The following FRMPD4 variants were observed in gnomAD, a reference collection of about 807,000 sequenced individuals.
FRMPD4 encodes FERM and PDZ domain-containing protein 4.
A neutral mutation model predicts 94.1 loss-of-function variants in FRMPD4; 22 were observed. That is an observed-to-expected ratio of 0.23 (90% CI 0.17 to 0.33). The LOEUF (loss-of-function observed/expected upper bound fraction) is 0.33, where lower values mean the gene tolerates loss of function less well. Among genes scored for constraint, FRMPD4 ranks in the 10% least tolerant of loss-of-function variants. The probability of loss-of-function intolerance (pLI) is 1.00; values close to 1 mark genes in which losing one functional copy is unlikely to be tolerated. For missense variants in FRMPD4, 1,111 were observed against 1,339.9 expected (o/e 0.83, Z 2.67); for synonymous variants, 631 against 548.6 (o/e 1.15, Z -2.10).
At chrX:12,362,775 C>T (rs1003259671) in intron 1 of FRMPD4, among the ~76,000 whole-genome samples, 6 of 111,851 alleles carry the variant, frequency 5.4e-5, no homozygotes, top group Admixed American at 4.7e-4. Context: ...CTTGACGAAT[C>T]GCCACACTGT....
At chrX:12,165,193 T>C (rs1317121407) in intron 1 of FRMPD4, among the ~76,000 whole-genome samples, 1 of 112,460 alleles carries the variant, frequency 8.9e-6, no homozygotes, top group African/African-American at 3.2e-5. Flanking sequence ...GTCTAACATG[T>C]AAGTCTTTAA....
At chrX:12,446,962 TGCATA>T (rs1183545761) in intron 1 of FRMPD4, among the ~76,000 whole-genome samples, 5 of 111,356 alleles carry the variant, frequency 4.5e-5, no homozygotes, top group African/African-American at 1.6e-4. Flanking sequence ...TGGGCAATCT[TGCATA>T]GCAAAGTTTG....
At chrX:12,200,907 G>A (rs1191432345) in intron 1 of FRMPD4, among the ~76,000 whole-genome samples, 2 of 112,455 alleles carry the variant, frequency 1.8e-5, no homozygotes, top group Non-Finnish European at 3.8e-5. Context: ...TGCAAAAACA[G>A]CTTCTTCCAC....
chrX:11,915,091 T>C (rs766502011), intron 3 of FRMPD4, among the ~76,000 whole-genome samples: 3 of 112,543 alleles, frequency 2.7e-5, no homozygotes, highest in Middle Eastern at 4.2e-3. Context: ...GAGTTGACTT[T>C]TATTTCTTAT....
intron 2 of FRMPD4, among the ~76,000 whole-genome samples, chrX:12,536,688 A>T (rs951467151): frequency 3.6e-5 from 4 of 112,058 alleles, no homozygotes; most frequent in African/African-American, 1.3e-4. Flanking sequence ...ATTGTTTAGT[A>T]GGAGAGAATT....
chrX:12,246,590 A>G (rs1017010300), intron 1 of FRMPD4, among the ~76,000 whole-genome samples: 1 of 111,797 alleles, frequency 8.9e-6, no homozygotes, highest in Non-Finnish European at 1.9e-5. Context: ...ACATTATCTG[A>G]TAATGCTGTT....
chrX:11,826,505 A>T (rs186048465), intron 1 of FRMPD4, among the ~76,000 whole-genome samples: 2 of 112,119 alleles, frequency 1.8e-5, no homozygotes, highest in East Asian at 5.6e-4. Flanking sequence ...AACAGGAAGG[A>T]TAAACAAAAT....
chrX:12,374,807 T>C (rs1177737815), intron 1 of FRMPD4: 1 of 111,636 alleles, frequency 9.0e-6, no homozygotes. Context: ...CAACATCACC[T>C]GTGCCTCCAA....
intron 3 of FRMPD4, among the ~76,000 whole-genome samples, chrX:11,928,851 G>A (rs1378201386): frequency 8.9e-6 from 1 of 112,447 alleles, no homozygotes; most frequent in Non-Finnish European, 1.9e-5. Flanking sequence ...CAAAGATATG[G>A]AATAAACCTA....
At chrX:12,651,129 C>A (rs894696860) in intron 4 of FRMPD4, among the ~76,000 whole-genome samples, 1 of 112,282 alleles carries the variant, frequency 8.9e-6, no homozygotes, top group Non-Finnish European at 1.9e-5. Context: ...TAGCAAAATG[C>A]TTATAAAATC....
At chrX:12,324,007 CA>C (rs1431254673) in intron 1 of FRMPD4, among the ~76,000 whole-genome samples, 1 of 111,595 alleles carries the variant, frequency 9.0e-6, no homozygotes, top group Non-Finnish European at 1.9e-5. Context: ...GTTGTGTCAA[CA>C]AATATAAGGA....
At chrX:12,385,681 A>G (rs1222932609) in intron 1 of FRMPD4, among the ~76,000 whole-genome samples, 3 of 112,533 alleles carry the variant, frequency 2.7e-5, no homozygotes, top group African/African-American at 6.5e-5. Flanking sequence ...GTTTAAAACA[A>G]GAGGCTTTGG....
chrX:11,899,050 G>T, intron 3 of FRMPD4, among the ~76,000 whole-genome samples: 1 of 112,461 alleles, frequency 8.9e-6, no homozygotes, highest in East Asian at 2.8e-4. Context: ...CTACGAAATG[G>T]CTTTTCCATC....
intron 1 of FRMPD4, among the ~76,000 whole-genome samples, chrX:12,439,589 CTG>C (rs2057111854): frequency 9.0e-6 from 1 of 111,638 alleles, no homozygotes; most frequent in African/African-American, 3.3e-5. Flanking sequence ...GTAACCGAAA[CTG>C]TTTTATTATT....
chrX:12,354,049 T>G (rs1226169984), intron 1 of FRMPD4, among the ~76,000 whole-genome samples: 2 of 112,117 alleles, frequency 1.8e-5, no homozygotes, highest in South Asian at 7.4e-4. Context: ...GCACTTTGCT[T>G]TTGCTAATAA....
At chrX:11,892,374 G>A (rs2053880055) in intron 3 of FRMPD4, among the ~76,000 whole-genome samples, 2 of 112,119 alleles carry the variant, frequency 1.8e-5, no homozygotes, top group Admixed American at 1.9e-4. Flanking sequence ...CGTAAAGATG[G>A]TCTTTCAACA....
intron 1 of FRMPD4, among the ~76,000 whole-genome samples, chrX:11,832,462 T>C (rs1477124801): frequency 9.0e-6 from 1 of 111,458 alleles, no homozygotes; most frequent in Non-Finnish European, 1.9e-5. Context: ...GAGGAAATAA[T>C]TCATCTATCA....
intron 1 of FRMPD4, among the ~76,000 whole-genome samples, chrX:12,226,158 C>A (rs778790863): frequency 9.0e-6 from 1 of 111,477 alleles, no homozygotes; most frequent in Non-Finnish European, 1.9e-5. Flanking sequence ...AGACTGGAGT[C>A]CAGTGGCACA....
chrX:11,975,127 G>A (rs998538223), intron 3 of FRMPD4, among the ~76,000 whole-genome samples: 4 of 111,796 alleles, frequency 3.6e-5, no homozygotes, highest in Non-Finnish European at 7.5e-5. Context: ...GAGCCTGATC[G>A]GCATGAATGA....
Sources: gnomAD v4.1 joint callset for allele counts (sites outside exome capture counted in the v4.1 genomes callset) on GRCh38, gnomAD v4.1.1 for gene constraint, MANE v1.5 for transcripts, NCBI Gene and HGNC (gene_info 2026-07-23, HGNC 2026-07-21) for gene names.